BNC2: variants seen among roughly 807,000 people sequenced by gnomAD.
BNC2 encodes the protein zinc finger protein basonuclin-2.
A neutral mutation model predicts 76.3 loss-of-function variants in BNC2; 20 were observed. The ratio of observed to expected loss-of-function variants is 0.26; its 90% CI spans 0.18 to 0.38. The LOEUF (loss-of-function observed/expected upper bound fraction) is 0.38. BNC2 is among the 10% of genes least tolerant of loss of function. The pLI, the probability that BNC2 is intolerant of heterozygous loss-of-function variation, is 1.00. For missense variants in BNC2, 1,382 were observed against 1,399.8 expected, an observed-to-expected ratio of 0.99 and a Z score of 0.20; for synonymous variants, 582 against 514.8, an observed-to-expected ratio of 1.13 and a Z score of -1.77.
At chr9:16,618,003 T>C (rs556220782) in intron 3 of BNC2, among the ~76,000 whole-genome samples, 6 of 152,336 alleles carry the variant, frequency 3.9e-5, no homozygotes, top group Middle Eastern at 3.4e-3. Context: ...AAGCCATGCC[T>C]GGACTGAACT....
chr9:16,859,501 A>G (rs775655960), intron 1 of BNC2, among the ~76,000 whole-genome samples: 1 of 152,238 alleles, frequency 6.6e-6, no homozygotes, highest in Non-Finnish European at 1.5e-5. Context: ...ATATGATGAA[A>G]TATTATTTAG....
intron 3 of BNC2, among the ~76,000 whole-genome samples, chr9:16,722,090 G>C (rs1394348532): frequency 6.6e-6 from 1 of 152,172 alleles, no homozygotes; most frequent in African/African-American, 2.4e-5. Context: ...GGTAGAGAGA[G>C]GGAGGCACCA....
intron 1 of BNC2, among the ~76,000 whole-genome samples, chr9:16,827,529 G>A (rs145682260): frequency 2.1e-4 from 32 of 152,208 alleles, no homozygotes; most frequent in Admixed American, 1.0e-3. Context: ...CCTAGAATCC[G>A]GAGAACTCAG....
chr9:16,651,211 C>G (rs913079208), intron 3 of BNC2, among the ~76,000 whole-genome samples: 2 of 152,154 alleles, frequency 1.3e-5, no homozygotes, highest in African/African-American at 4.8e-5. Context: ...TCTACCTGTT[C>G]CTTTTCCAAG....
intron 1 of BNC2, among the ~76,000 whole-genome samples, chr9:16,843,610 A>T (rs761599149): frequency 1.3e-5 from 2 of 152,272 alleles, no homozygotes; most frequent in Non-Finnish European, 2.9e-5. Flanking sequence ...CTGGGATTAC[A>T]GGCGTGAGCC....
At position 16,547,774 on chromosome 9, in the gene BNC2, C is replaced by A. The variant is rs868072026; in HGVS notation, c.669+4756G>T. Among the ~76,000 whole-genome samples the A allele has an allele frequency of 9.2e-5, 14 of 152,208 alleles. No individual in the cohort carries two copies. In the Middle Eastern group the frequency reaches 0.01, roughly 112 times the overall value. ...GGAGAAGAACTGAGTGTGTTCAGAACTAAGTACTTCAAATGAGCTTGAAGG... is the reference window on the plus strand; with the variant it reads ...GGAGAAGAACTGAGTGTGTTCAGAAATAAGTACTTCAAATGAGCTTGAAGG... On this transcript the variant is annotated intron_variant, in intron 5 of 6. Coordinates refer to ENST00000380672, the MANE Select transcript of BNC2 (RefSeq NM_017637.6).
At chr9:16,552,435 T>C in intron 5 of BNC2, 95 bp downstream of exon 5, 1 of 984,586 alleles carries the variant, frequency 1.0e-6, no homozygotes, top group East Asian at 2.6e-5. Context: ...CAGAGGAGGG[T>C]GTGCAGCCCT....
chr9:16,860,082 A>G (rs2136201894), intron 1 of BNC2, among the ~76,000 whole-genome samples: 1 of 152,112 alleles, frequency 6.6e-6, no homozygotes, highest in African/African-American at 2.4e-5. Context: ...AGATCACACC[A>G]CTGCACTCCA....
At chr9:16,826,420 A>G (rs1818455688) in intron 1 of BNC2, among the ~76,000 whole-genome samples, 1 of 152,090 alleles carries the variant, frequency 6.6e-6, no homozygotes, top group East Asian at 1.9e-4. Flanking sequence ...CAACTGAGAA[A>G]ACCCTCTAAG....
intron 4 of BNC2, among the ~76,000 whole-genome samples, chr9:16,564,170 G>C (rs568312665): frequency 4.9e-4 from 74 of 152,274 alleles, no homozygotes; most frequent in Non-Finnish European, 9.6e-4. Flanking sequence ...ATTAAAGACA[G>C]AGTCTCTAGG....
chr9:16,751,702 A>ATGTATGTGTGTGTG (rs1825216400), intron 1 of BNC2, among the ~76,000 whole-genome samples: 1 of 149,260 alleles, frequency 6.7e-6, no homozygotes, highest in African/African-American at 2.5e-5. Flanking sequence ...GTATATATAT[A>ATGTATGTGTGTGTG]TATATGTATG....
chr9:16,779,130 A>AAAAAAAAAAAAAAAAAAAAAAAG (rs556932807), intron 1 of BNC2, among the ~76,000 whole-genome samples: 14 of 87,624 alleles, frequency 1.6e-4, no homozygotes, highest in Non-Finnish European at 2.2e-4. Flanking sequence ...AAAAAAAAAA[A>AAAAAAAAAAAAAAAAAAAAAAAG]AAAAGAAAAG....
In BNC2 at chr9:16,743,971, T is replaced by TGTTC. The variant is rs1365848228; in HGVS notation, c.4-5487_4-5486insGAAC. 3.8e-4 allele frequency among the ~76,000 whole-genome samples: 57 copies of TGTTC among 151,984 alleles called. 1 individual carries two copies. The highest frequency in any genetic ancestry group is 1.2e-3 in the African/African-American group (50 of 41,426). On this transcript the variant is annotated intron_variant, in intron 1 of 6. Coordinates refer to ENST00000380672, the MANE Select transcript of BNC2 (RefSeq NM_017637.6). ...ACAGACTGCAGTTTGTTTGTTTGTT[T>TGTTC]GTTTGTTTGTTTGGAGACGGAGTCT... is the stretch of plus-strand genomic sequence containing the variant.
At chr9:16,422,455 A>G (rs772371470) in intron 6 of BNC2, among the ~76,000 whole-genome samples, 18 of 152,354 alleles carry the variant, frequency 1.2e-4, no homozygotes, top group Non-Finnish European at 1.9e-4. Flanking sequence ...TCTGCTCTTC[A>G]TAACTTCAGT....
At chr9:16,480,567 C>T (rs28701032) in intron 5 of BNC2, among the ~76,000 whole-genome samples, 14,571 of 152,142 alleles carry the variant, frequency 0.096, 1,103 homozygotes, top group African/African-American at 0.21. Context: ...GCTGGAGTTC[C>T]GGGTGGGCGT....
intron 3 of BNC2, among the ~76,000 whole-genome samples, chr9:16,620,602 G>T (rs1211771985): frequency 2.6e-5 from 4 of 152,132 alleles, no homozygotes; most frequent in Admixed American, 2.6e-4. Context: ...GACACAAAAT[G>T]AGTATGTAGC....
chr9:16,540,600 G>A (rs1180934503), intron 5 of BNC2, among the ~76,000 whole-genome samples: 7 of 152,140 alleles, frequency 4.6e-5, no homozygotes, highest in African/African-American at 1.7e-4. Context: ...ACAAAAAAGT[G>A]TATATGTAAA....
At chr9:16,604,552 T>A (rs536468215) in intron 3 of BNC2, among the ~76,000 whole-genome samples, 1 of 152,172 alleles carries the variant, frequency 6.6e-6, no homozygotes, top group Non-Finnish European at 1.5e-5. Context: ...ACCCCAGCAC[T>A]TAGGGACACT....
At chr9:16,547,738 T>G (rs1195742499) in intron 5 of BNC2, among the ~76,000 whole-genome samples, 1 of 152,056 alleles carries the variant, frequency 6.6e-6, no homozygotes, top group Admixed American at 6.5e-5. Flanking sequence ...TACATGCAAA[T>G]AGCTCATGTG....
Sources: allele counts gnomAD v4.1 joint callset (sites outside exome capture counted in the v4.1 genomes callset), GRCh38; gene constraint gnomAD v4.1.1; transcripts MANE v1.5; gene names NCBI Gene and HGNC (gene_info 2026-07-23, HGNC 2026-07-21).